The following HELZ variants were observed in gnomAD, a reference collection of about 807,000 sequenced individuals.
HELZ encodes ATP-dependent RNA helicase with zinc finger domain.
In HELZ, 23 loss-of-function variants were observed where a neutral mutation model predicts 218.2. The ratio of observed to expected loss-of-function variants is 0.11; its 90% confidence interval spans 0.08 to 0.15. The LOEUF is 0.15. Ranked by LOEUF, HELZ falls within the 10% of genes least tolerant of loss-of-function variation. HELZ has a pLI of 1.00. For synonymous variants in HELZ, 814 were observed against 829.4 expected, an observed-to-expected ratio of 0.98 and a Z score of 0.32; for missense variants, 1,813 against 2,353.7, an observed-to-expected ratio of 0.77 and a Z score of 4.75.
intron 7 of HELZ, among the ~76,000 whole-genome samples, chr17:67,198,566 C>T (rs971606280): frequency 3.3e-5 from 5 of 152,216 alleles, no homozygotes; most frequent in Non-Finnish European, 7.3e-5. Context: ...CCAAAGATTA[C>T]ACTGCTAGAA....
intron 32 of HELZ, among the ~76,000 whole-genome samples, chr17:67,081,176 A>C (rs548261234): frequency 6.6e-6 from 1 of 152,350 alleles, no homozygotes; most frequent in South Asian, 2.1e-4. Flanking sequence ...AGTGGGACAC[A>C]GTAGAAGGAC....
intron 3 of HELZ, among the ~76,000 whole-genome samples, chr17:67,237,231 G>A (rs939413977): frequency 6.6e-6 from 1 of 151,678 alleles, no homozygotes; most frequent in Non-Finnish European, 1.5e-5. Context: ...GTTGCAGTGA[G>A]CCGAGATCCC....
At chr17:67,081,654 GCTT>G (rs34940095) in intron 32 of HELZ, among the ~76,000 whole-genome samples, 41,680 of 151,830 alleles carry the variant, frequency 0.27, 7,252 homozygotes, top group East Asian at 0.68. Flanking sequence ...ATGGCACTCT[GCTT>G]CTTGATGGCC....
At chr17:67,085,563 T>TC (rs1555593718) in intron 32 of HELZ, among the ~76,000 whole-genome samples, 1 of 151,784 alleles carries the variant, frequency 6.6e-6, no homozygotes, top group African/African-American at 2.4e-5. Flanking sequence ...TGTTTTTTTT[T>TC]AATTTTTTTT....
intron 24 of HELZ, among the ~76,000 whole-genome samples, chr17:67,126,371 G>A (rs72838410): frequency 0.012 from 1,868 of 152,106 alleles, 17 homozygotes; most frequent in Middle Eastern, 0.054. Flanking sequence ...AAGCAAATTC[G>A]GGCCTATGGA....
chr17:67,229,783 G>A (rs2143416139), intron 3 of HELZ, among the ~76,000 whole-genome samples: 1 of 152,262 alleles, frequency 6.6e-6, no homozygotes, highest in Middle Eastern at 3.4e-3. Flanking sequence ...AAAATAGTCT[G>A]CAAAGTAGTT....
intron 14 of HELZ, among the ~76,000 whole-genome samples, chr17:67,167,155 G>A (rs1377725846): frequency 6.6e-6 from 1 of 152,170 alleles, no homozygotes; most frequent in Non-Finnish European, 1.5e-5. Flanking sequence ...AGATACAACT[G>A]CAGATGAGAG....
intron 9 of HELZ, among the ~76,000 whole-genome samples, chr17:67,192,133 C>T (rs1260850615): frequency 4.0e-5 from 6 of 151,794 alleles, no homozygotes; most frequent in African/African-American, 9.7e-5. Flanking sequence ...ACCCGGGAGG[C>T]GGAGGTTGCA....
chr17:67,121,796 A>G lies in HELZ; in HGVS notation c.3630+1174T>C, dbSNP rs538319946. On this transcript the variant is annotated intron_variant, in intron 26 of 32. Coordinates refer to ENST00000358691, the MANE Select transcript of HELZ (RefSeq NM_014877.4). ...TCTATAGTCTTACAAAGGATAGAGTAATGTTTTTAAGTAGTAGTTAAGATT... is the reference window on the plus strand; with the variant it reads ...TCTATAGTCTTACAAAGGATAGAGTGATGTTTTTAAGTAGTAGTTAAGATT... Among the ~76,000 whole-genome samples, 54 of 152,366 alleles carry G rather than the reference A, an allele frequency of 3.5e-4. 1 individual carries two copies. In the South Asian group the frequency reaches 7.2e-3, roughly 20 times the overall value.
intron 28 of HELZ, among the ~76,000 whole-genome samples, chr17:67,112,154 T>C (rs980753338): frequency 3.3e-5 from 5 of 152,184 alleles, no homozygotes; most frequent in African/African-American, 4.8e-5. Context: ...CATTTTCCTC[T>C]TAATACTGAG....
At position 67,136,050 on chromosome 17, in the gene HELZ, G is replaced by C; in HGVS notation, c.3102C>G (p.Leu1034=). The change falls in exon 23 of 33, where the codon CTC becomes CTG. Residue 1034 remains leucine, a synonymous_variant. Transcript: ENST00000358691. ...DYGFLSNYKL[L]NTAITRAQSL... ...ATTGTGCTCTTGTGATGGCAGTATTGAGAAGCTTGTAGTTAGATAAAAAAC... is the reference window on the plus strand; with the variant it reads ...ATTGTGCTCTTGTGATGGCAGTATTCAGAAGCTTGTAGTTAGATAAAAAAC... 1.9e-6 allele frequency: 3 copies of C among 1,613,934 alleles called. No homozygotes were observed. In the South Asian group the frequency reaches 3.3e-5, roughly 18 times the overall value.
chr17:67,149,863 T>A lies in HELZ; in HGVS notation c.2475+4A>T, dbSNP rs1342322046. ...TTCAACACAGCAACTCAGAGGGCAC[T>A]TACCTGCATGTGATCACCAGCCAAG... On this transcript the variant is annotated splice_donor_region_variant and intron_variant, in intron 19 of 32. Transcript: ENST00000358691. The A allele has an allele frequency of 6.4e-7, 1 of 1,569,518 alleles. No homozygotes were observed. The highest frequency in any genetic ancestry group is 2.3e-5 in the East Asian group (1 of 44,326).
intron 32 of HELZ, among the ~76,000 whole-genome samples, 198 bp downstream of exon 32, chr17:67,086,631 A>ATATAAATAAATATATATATATATAT (rs1598183996): frequency 1.1e-5 from 1 of 93,318 alleles, no homozygotes; most frequent in Non-Finnish European, 2.0e-5. Context: ...TATAAATATA[A>ATATAAATAAATATATATATATATAT]ATATATATAT....
intron 31 of HELZ, among the ~76,000 whole-genome samples, chr17:67,105,823 A>C (rs2037083037): frequency 1.3e-5 from 2 of 152,208 alleles, no homozygotes; most frequent in African/African-American, 4.8e-5. Context: ...TAAGAGCCTA[A>C]AATCACAGTA....
intron 17 of HELZ, among the ~76,000 whole-genome samples, chr17:67,159,620 T>TGA (rs1392087146): frequency 1.3e-5 from 2 of 152,184 alleles, no homozygotes; most frequent in Non-Finnish European, 2.9e-5. Flanking sequence ...TTGATGATTC[T>TGA]TTATTGTTTT....
chr17:67,213,938 T>C (rs1162939680), intron 5 of HELZ, among the ~76,000 whole-genome samples: 1 of 152,198 alleles, frequency 6.6e-6, no homozygotes, highest in African/African-American at 2.4e-5. Flanking sequence ...ATTATGACTT[T>C]TTAATTTTTA....
At chr17:67,142,782 G>T (rs184614440) in intron 21 of HELZ, among the ~76,000 whole-genome samples, 1 of 151,804 alleles carries the variant, frequency 6.6e-6, no homozygotes, top group Non-Finnish European at 1.5e-5. Context: ...TTTGAGACAG[G>T]GTCTAGCTCT....
intron 31 of HELZ, among the ~76,000 whole-genome samples, chr17:67,097,273 C>A (rs558344216): frequency 6.6e-6 from 1 of 152,262 alleles, no homozygotes; most frequent in African/African-American, 2.4e-5. Context: ...AAATGTGATA[C>A]AGAGGCACAA....
chr17:67,163,396 CTTAG>C (rs2039044703), intron 15 of HELZ, among the ~76,000 whole-genome samples: 1 of 17,928 alleles, frequency 5.6e-5, no homozygotes, highest in Non-Finnish European at 1.0e-4. Flanking sequence ...AGAGACCCAA[CTTAG>C]TATCTTTTTC....
Sources: gnomAD v4.1 joint callset for allele counts (sites outside exome capture counted in the v4.1 genomes callset) on GRCh38, gnomAD v4.1.1 for gene constraint, MANE v1.5 for transcripts, NCBI Gene and HGNC (gene_info 2026-07-23, HGNC 2026-07-21) for gene names.